ADCY5: variants seen among roughly 807,000 people sequenced by gnomAD.
ADCY5 encodes the protein adenylate cyclase type 5.
ADCY5 carries 30 observed loss-of-function variants against 119.7 expected under a neutral mutation model. That is an observed-to-expected ratio of 0.25 (90% CI 0.19 to 0.34). The LOEUF (loss-of-function observed/expected upper bound fraction) is 0.34, where lower values mean the gene tolerates loss of function less well. Ranked by LOEUF, ADCY5 falls within the 10% of genes least tolerant of loss-of-function variation. The pLI, the probability that ADCY5 is intolerant of heterozygous loss-of-function variation, is 1.00. For synonymous variants in ADCY5, 753 were observed against 762.2 expected, an observed-to-expected ratio of 0.99 and a Z score of 0.20; for missense variants, 1,324 against 1,775.2, an observed-to-expected ratio of 0.75 and a Z score of 4.57.
chr3:123,438,073 T>G (rs1204259100), intron 1 of ADCY5, among the ~76,000 whole-genome samples: 2 of 152,118 alleles, frequency 1.3e-5, no homozygotes, highest in Non-Finnish European at 2.9e-5. Flanking sequence ...CTAGATGCCT[T>G]CGGATAGGCC....
At chr3:123,293,854 TCA>T (rs1260614592) in intron 17 of ADCY5, among the ~76,000 whole-genome samples, 1 of 152,096 alleles carries the variant, frequency 6.6e-6, no homozygotes, top group Admixed American at 6.5e-5. Flanking sequence ...CACCAAACGC[TCA>T]GACCTTGGTT....
chr3:123,437,797 A>G (rs906106652), intron 1 of ADCY5, among the ~76,000 whole-genome samples: 1 of 152,198 alleles, frequency 6.6e-6, no homozygotes, highest in Non-Finnish European at 1.5e-5. Context: ...GAAAAGTTCC[A>G]GAAAGACATT....
intron 14 of ADCY5, among the ~76,000 whole-genome samples, chr3:123,302,445 G>A (rs1174633519): frequency 2.6e-5 from 4 of 152,200 alleles, no homozygotes; most frequent in African/African-American, 9.7e-5. Context: ...ACTGAACCGT[G>A]CACTTTGAAC....
chr3:123,297,261 C>T (rs1325347469), intron 16 of ADCY5, 92 bp downstream of exon 16: 1 of 1,538,580 alleles, frequency 6.5e-7, no homozygotes, highest in African/African-American at 1.4e-5. Context: ...CACCTTGCCA[C>T]CAAGGCCCCT....
chr3:123,302,923 G>T, intron 14 of ADCY5, 132 bp downstream of exon 14: 2 of 1,062,440 alleles, frequency 1.9e-6, no homozygotes, highest in Non-Finnish European at 2.7e-6. Context: ...GAGATACTGG[G>T]GTAAGCAGGC....
intron 1 of ADCY5, among the ~76,000 whole-genome samples, chr3:123,373,558 TG>T (rs1341372808): frequency 5.3e-5 from 8 of 152,210 alleles, no homozygotes; most frequent in Non-Finnish European, 1.2e-4. Flanking sequence ...TGAAGGACGC[TG>T]GGGAGTTAGG....
intron 1 of ADCY5, among the ~76,000 whole-genome samples, chr3:123,417,823 A>T (rs1945219292): frequency 1.3e-5 from 2 of 152,200 alleles, no homozygotes; most frequent in South Asian, 4.1e-4. Flanking sequence ...CAGCCCTGAC[A>T]TTCTAGAATT....
At chr3:123,362,631 T>G (rs1333087666) in intron 1 of ADCY5, among the ~76,000 whole-genome samples, 1 of 152,312 alleles carries the variant, frequency 6.6e-6, no homozygotes, top group East Asian at 1.9e-4. Context: ...TGGGAAACCA[T>G]GCTGCTGGCC....
At chr3:123,433,166 T>G (rs1008728506) in intron 1 of ADCY5, among the ~76,000 whole-genome samples, 2 of 152,188 alleles carry the variant, frequency 1.3e-5, no homozygotes, top group African/African-American at 4.8e-5. Context: ...GAAGGGGATG[T>G]TTCCAATTTA....
chr3:123,336,865 T>C (rs980230293), intron 3 of ADCY5, among the ~76,000 whole-genome samples: 1 of 152,190 alleles, frequency 6.6e-6, no homozygotes, highest in Non-Finnish European at 1.5e-5. Flanking sequence ...CATATGGTCC[T>C]GGGACCAGGC....
rs1246640588 is a variant in ADCY5, at chr3:123,283,468, G to T, written c.*1140C>A. ...GTTTTGCTTAGGGGAAGGAGGGTGT[G>T]TGCATGTGTGTACATACGTGTGCGT... On this transcript the variant is annotated 3_prime_UTR_variant, in exon 21 of 21. Transcript: ENST00000462833. 6.6e-6 allele frequency: 1 copy of T among 152,154 alleles called. No homozygotes were observed. The highest frequency in any genetic ancestry group is 1.5e-5 in the Non-Finnish European group (1 of 68,052). 9.4% of individuals were successfully genotyped at this position (152,154 alleles called of 1,614,324 possible).
chr3:123,389,122 G>A lies in ADCY5; in HGVS notation c.1135-36541C>T, dbSNP rs368076287. On this transcript the variant is annotated intron_variant, in intron 1 of 20. Coordinates refer to ENST00000462833, the MANE Select transcript of ADCY5 (RefSeq NM_183357.3). ...AGAAGGAACTGGGCTGCTCTGAGAA[G>A]CCAGGAGGTGCAGGACGTCGGCTGA... Among the ~76,000 whole-genome samples, 4 of 152,118 alleles carry A rather than the reference G, an allele frequency of 2.6e-5. No individual in the cohort carries two copies. In the East Asian group the frequency reaches 5.9e-4, roughly 22 times the overall value.
chr3:123,331,714 G>T (rs1433892451), intron 4 of ADCY5, among the ~76,000 whole-genome samples: 1 of 151,954 alleles, frequency 6.6e-6, no homozygotes, highest in African/African-American at 2.4e-5. Flanking sequence ...GGCTCCCAAA[G>T]ATAGTTGAGA....
At chr3:123,335,227 C>G (rs1941963903) in intron 3 of ADCY5, among the ~76,000 whole-genome samples, 1 of 152,122 alleles carries the variant, frequency 6.6e-6, no homozygotes, top group African/African-American at 2.4e-5. Context: ...CCTGCACAAA[C>G]CACAATAAAG....
intron 1 of ADCY5, among the ~76,000 whole-genome samples, chr3:123,434,604 A>C (rs1163638291): frequency 1.3e-5 from 2 of 152,188 alleles, no homozygotes; most frequent in Non-Finnish European, 2.9e-5. Flanking sequence ...ATTAAATATA[A>C]AGGTATTTGA....
At chr3:123,384,562 T>C (rs1944153605) in intron 1 of ADCY5, among the ~76,000 whole-genome samples, 1 of 152,200 alleles carries the variant, frequency 6.6e-6, no homozygotes, top group Admixed American at 6.5e-5. Context: ...CAAAGCCAGG[T>C]GTGTCCACAG....
intron 9 of ADCY5, among the ~76,000 whole-genome samples, 180 bp downstream of exon 9, chr3:123,320,569 C>T (rs184133030): frequency 3.3e-5 from 5 of 152,300 alleles, no homozygotes; most frequent in Admixed American, 1.3e-4. Context: ...TTCTGGGCTG[C>T]CCTGGCCTGT....
chr3:123,287,508 T>C (rs1482192083), intron 19 of ADCY5, among the ~76,000 whole-genome samples: 1 of 152,208 alleles, frequency 6.6e-6, no homozygotes, highest in Non-Finnish European at 1.5e-5. Context: ...CATTCCCTCC[T>C]GTGTAACCTG....
chr3:123,325,561 G>A, intron 7 of ADCY5, 99 bp from the exon 8 acceptor site: 3 of 1,488,892 alleles, frequency 2.0e-6, no homozygotes, highest in Non-Finnish European at 2.8e-6. Flanking sequence ...AGGGGCTAAG[G>A]CAGCTGCCCT....
Sources: allele counts gnomAD v4.1 joint callset (sites outside exome capture counted in the v4.1 genomes callset), GRCh38; gene constraint gnomAD v4.1.1; transcripts MANE v1.5; gene names NCBI Gene and HGNC (gene_info 2026-07-23, HGNC 2026-07-21).